TAF2: variants seen among roughly 807,000 people sequenced by gnomAD.
TAF2 encodes the protein TATA-box binding protein associated factor 2, also known as transcription initiation factor TFIID subunit 2.
Under a neutral mutation model 138.5 loss-of-function variants are expected in TAF2, and 61 were observed. The observed-to-expected ratio is 0.44, with a 90% CI of 0.36 to 0.54. The LOEUF (loss-of-function observed/expected upper bound fraction) is 0.54, where lower values mean the gene tolerates loss of function less well. TAF2 is among the 20% of genes least tolerant of loss of function. The pLI, the probability that TAF2 is intolerant of heterozygous loss-of-function variation, is 0.00. For synonymous variants in TAF2, 475 were observed against 469.9 expected, an observed-to-expected ratio of 1.01 and a Z score of -0.14; for missense variants, 1,090 against 1,427.9, an observed-to-expected ratio of 0.76 and a Z score of 3.81.
chr8:119,744,173 G>T, intron 24 of TAF2, 115 bp downstream of exon 24: 2 of 989,844 alleles, frequency 2.0e-6, no homozygotes. Context: ...AATATTTTAA[G>T]CTGGCTAATT....
chr8:119,744,529 T>C lies in TAF2; in HGVS notation c.3109-136A>G, dbSNP rs548161477. Reference sequence around the variant, plus strand: ...TAATCTTAAAATAAAAAGTAGTTTCTTTCTTCAAAGATATTAAGAGAAAGA... The same window carrying C: ...TAATCTTAAAATAAAAAGTAGTTTCCTTCTTCAAAGATATTAAGAGAAAGA... On this transcript the variant is annotated intron_variant, in intron 23 of 25. Coordinates refer to ENST00000378164, the MANE Select transcript of TAF2 (RefSeq NM_003184.4). 42 of 753,154 alleles carry C rather than the reference T, an allele frequency of 5.6e-5. 1 individual carries two copies. In the South Asian group the frequency reaches 6.4e-4, roughly 11 times the overall value. The allele number at this position is 753,154 out of a possible 1,614,324, so 46.7% of individuals were successfully genotyped here.
intron 3 of TAF2, among the ~76,000 whole-genome samples, chr8:119,813,984 C>A (rs552302235): frequency 5.3e-5 from 8 of 151,976 alleles, no homozygotes; most frequent in African/African-American, 1.9e-4. Context: ...ATTAACCGAA[C>A]GTGGTGGCAT....
At chr8:119,805,539 C>G (rs2131218754) in intron 4 of TAF2, among the ~76,000 whole-genome samples, 1 of 152,040 alleles carries the variant, frequency 6.6e-6, no homozygotes, top group South Asian at 2.1e-4. Flanking sequence ...AACCCTGTCT[C>G]TACTAAAAAT....
At chr8:119,804,571 T>G (rs1231805208) in intron 4 of TAF2, among the ~76,000 whole-genome samples, 9 of 152,146 alleles carry the variant, frequency 5.9e-5, no homozygotes, top group East Asian at 5.8e-4. Context: ...GCACAAGCTC[T>G]CTCTCTCTCT....
chr8:119,744,422 T>C lies in TAF2; in HGVS notation c.3109-29A>G, dbSNP rs368609615. ...AAACACACACACATAAAACAGAGGA[T>C]AAAAGAACCATTACATCATGTTATG... On this transcript the variant is annotated intron_variant, in intron 23 of 25. Coordinates refer to ENST00000378164, the MANE Select transcript of TAF2 (RefSeq NM_003184.4). 291 of 1,580,916 alleles carry C rather than the reference T, an allele frequency of 1.8e-4. 1 individual carries two copies. In the African/African-American group the frequency reaches 3.4e-3, roughly 18 times the overall value.
chr8:119,765,296 C>G (rs575802263), intron 18 of TAF2, among the ~76,000 whole-genome samples: 1 of 151,606 alleles, frequency 6.6e-6, no homozygotes, highest in South Asian at 2.1e-4. Context: ...GCAAGCAAAA[C>G]AGAAAAAAGA....
At chr8:119,732,267 T>C in intron 25 of TAF2, 81 bp from the exon 26 acceptor site, 5 of 1,342,636 alleles carry the variant, frequency 3.7e-6, no homozygotes, top group Non-Finnish European at 5.3e-6. Flanking sequence ...CTGATGACAG[T>C]ATGTAAAGAG....
At chr8:119,775,712 T>TAATA (rs773547693) in intron 18 of TAF2, among the ~76,000 whole-genome samples, 1 of 151,626 alleles carries the variant, frequency 6.6e-6, no homozygotes, top group African/African-American at 2.4e-5. Flanking sequence ...CAAAAAAGAA[T>TAATA]AATAAATAAA....
chr8:119,771,393 A>C (rs1821825272), intron 18 of TAF2, among the ~76,000 whole-genome samples: 1 of 151,818 alleles, frequency 6.6e-6, no homozygotes, highest in African/African-American at 2.4e-5. Flanking sequence ...GTGCGACCAC[A>C]CCTGGCTAAT....
intron 8 of TAF2, 85 bp from the exon 9 acceptor site, chr8:119,795,716 T>G (rs111456326): frequency 1.2e-5 from 14 of 1,206,232 alleles, no homozygotes; most frequent in African/African-American, 9.0e-5. Context: ...ATAAGTGTAG[T>G]GTGTATTTCC....
intron 10 of TAF2, chr8:119,791,882 G>T (rs1479229800): frequency 6.5e-6 from 1 of 153,208 alleles, no homozygotes; most frequent in Non-Finnish European, 1.5e-5. Context: ...TATATTTTGG[G>T]ATGGGAAAAA....
intron 6 of TAF2, among the ~76,000 whole-genome samples, chr8:119,800,137 C>G: frequency 6.6e-6 from 1 of 152,222 alleles, no homozygotes; most frequent in Middle Eastern, 3.4e-3. Flanking sequence ...TGCAGAAACT[C>G]TTTAGTTTAA....
intron 6 of TAF2, among the ~76,000 whole-genome samples, chr8:119,799,832 C>A (rs1416305125): frequency 5.3e-5 from 8 of 152,142 alleles, no homozygotes; most frequent in Admixed American, 2.0e-4. Flanking sequence ...TGACTTTTTA[C>A]TGATCGCCAT....
chr8:119,780,551 G>A (rs897219896), intron 17 of TAF2, among the ~76,000 whole-genome samples: 2 of 152,156 alleles, frequency 1.3e-5, no homozygotes, highest in African/African-American at 2.4e-5. Context: ...AACATTTCTG[G>A]ACACTTTAAT....
chr8:119,810,013 A>AAAC (rs1824936697), intron 3 of TAF2, among the ~76,000 whole-genome samples: 1 of 151,772 alleles, frequency 6.6e-6, no homozygotes, highest in African/African-American at 2.4e-5. Context: ...AAAAAAAAAA[A>AAAC]AAAACAGTAT....
At position 119,741,297 on chromosome 8, in the gene TAF2, A is replaced by ATT. The variant is rs537363416; in HGVS notation, c.3337+1235_3337+1236dup. ...TTAGACTCTCGGAAATTTAGAGAGA[A>ATT]TTTTTTTTTAAAGGTAAGCAGAAGC... is the stretch of plus-strand genomic sequence containing the variant. On this transcript the variant is annotated intron_variant, in intron 25 of 25. Coordinates refer to ENST00000378164, the MANE Select transcript of TAF2 (RefSeq NM_003184.4). Among the ~76,000 whole-genome samples, 497 of 151,830 alleles carry ATT rather than the reference A, an allele frequency of 3.3e-3. 1 individual carries two copies. Among genetic ancestry groups the ATT allele is most frequent in the African/African-American group, 0.011 (474 of 41,418 alleles).
At chr8:119,807,759 T>C (rs1024222934) in intron 3 of TAF2, among the ~76,000 whole-genome samples, 2 of 152,012 alleles carry the variant, frequency 1.3e-5, no homozygotes, top group Non-Finnish European at 2.9e-5. Context: ...CCCTCTCTAC[T>C]AAAAACACAA....
chr8:119,828,612 G>C (rs954388261), intron 2 of TAF2, among the ~76,000 whole-genome samples: 2 of 152,174 alleles, frequency 1.3e-5, no homozygotes, highest in East Asian at 1.9e-4. Flanking sequence ...AGGAAACACC[G>C]AAGGGGTGAA....
intron 5 of TAF2, 54 bp downstream of exon 5, chr8:119,803,824 C>T (rs754914216): frequency 7.9e-6 from 12 of 1,510,350 alleles, no homozygotes; most frequent in Admixed American, 5.5e-5. Flanking sequence ...CTTGCTTATA[C>T]ATAAAAAATG....
Sources: allele counts gnomAD v4.1 joint callset (sites outside exome capture counted in the v4.1 genomes callset), GRCh38; gene constraint gnomAD v4.1.1; transcripts MANE v1.5; gene names NCBI Gene and HGNC (gene_info 2026-07-23, HGNC 2026-07-21).